RGS21: variants seen among roughly 807,000 people sequenced by gnomAD.
RGS21 encodes the protein regulator of G-protein signalling 21.
Under a neutral mutation model 18.7 loss-of-function variants are expected in RGS21, and 19 were observed. That is an observed-to-expected ratio of 1.01 (90% CI 0.71 to 1.49). The LOEUF is 1.49. Among genes scored for constraint, RGS21 ranks in the 40% most tolerant of loss-of-function variants. The pLI, the probability that RGS21 is intolerant of heterozygous loss-of-function variation, is 0.00. For synonymous variants in RGS21, 56 were observed against 57.8 expected (o/e 0.97, Z 0.14); for missense variants, 194 against 176.8 (o/e 1.10, Z -0.55).
intron 4 of RGS21, among the ~76,000 whole-genome samples, chr1:192,356,129 G>C (rs992149619): frequency 6.6e-6 from 1 of 151,778 alleles, no homozygotes; most frequent in Non-Finnish European, 1.5e-5. Flanking sequence ...AGTCATAAAC[G>C]AGAGTACATC....
intron 1 of RGS21, among the ~76,000 whole-genome samples, chr1:192,322,418 T>G (rs1658509907): frequency 6.6e-6 from 1 of 152,126 alleles, no homozygotes; most frequent in East Asian, 1.9e-4. Context: ...TTCTAATGAA[T>G]GGCACATAAG....
rs1428255282 is a variant in RGS21, at chr1:192,366,354, G to A, written c.*230G>A. 7 of 426,890 alleles carry A rather than the reference G, an allele frequency of 1.6e-5. No individual in the cohort carries two copies. The highest frequency in any genetic ancestry group is 2.1e-5 in the Non-Finnish European group (5 of 239,166). The allele number at this position is 426,890 out of a possible 1,614,324, so 26.4% of individuals were successfully genotyped here. A position where few individuals can be genotyped will look rare whatever the true frequency, so the allele number is the denominator to read the frequency against. On this transcript the variant is annotated 3_prime_UTR_variant, in exon 5 of 5. Transcript: ENST00000417209. ...TGGGGGAGTACAAAGAAAGTTTATA[G>A]AGATACAATATAGTCTTAAACCAAA...
intron 1 of RGS21, among the ~76,000 whole-genome samples, chr1:192,331,655 G>A (rs1213168310): frequency 3.3e-5 from 5 of 151,694 alleles, no homozygotes; most frequent in Admixed American, 6.6e-5. Flanking sequence ...AAAACCTATT[G>A]AGTGGCACAA....
chr1:192,365,937 G>T lies in RGS21; in HGVS notation c.272G>T (p.Gly91Val), dbSNP rs1659252670. Reference sequence around the variant, plus strand: ...TTTCCACAGATTAACATTGACTTCGGTACCAGAGACCTCATCTCAAAGAAT... The same window carrying T: ...TTTCCACAGATTAACATTGACTTCGTTACCAGAGACCTCATCTCAAAGAAT... ...DAPKEINIDFGTRDLISKNIA... is the reference protein window; with the variant it reads ...DAPKEINIDFVTRDLISKNIA... The change falls in exon 5 of 5, where the codon GGT becomes GTT. Residue 91 changes from glycine to valine, a missense_variant. Physicochemically the swap from Gly to Val is moderately radical, Grantham distance 109 (BLOSUM62 -3). Coordinates refer to ENST00000417209, the MANE Select transcript of RGS21 (RefSeq NM_001039152.3). The T allele has an allele frequency of 6.2e-7, 1 of 1,601,712 alleles. No homozygotes were observed. Among genetic ancestry groups the T allele is most frequent in the South Asian group, 1.1e-5 (1 of 89,816 alleles).
At position 192,352,117 on chromosome 1, in the gene RGS21, C is replaced by T; in HGVS notation, c.159C>T (p.Ala53=). ...AAGAAAATGTTGAGTTCTGGCTTGC[C>T]TGTGAAGACTTTAAGAAAACGAAAA... is the stretch of plus-strand genomic sequence containing the variant. ...FSEENVEFWL[A]CEDFKKTKNA... Residue 53 remains alanine (A), a synonymous_variant, in exon 4 of 5, where the codon GCC becomes GCT. Transcript: ENST00000417209. 3.7e-6 allele frequency: 6 copies of T among 1,610,626 alleles called. 1 individual carries two copies. Among genetic ancestry groups the T allele is most frequent in the Non-Finnish European group, 5.1e-6 (6 of 1,178,236 alleles).
At chr1:192,364,962 G>A (rs534872895) in intron 4 of RGS21, among the ~76,000 whole-genome samples, 10 of 151,842 alleles carry the variant, frequency 6.6e-5, no homozygotes, top group Admixed American at 3.9e-4. Context: ...GTGAAACCCC[G>A]TCTCTACTAC....
chr1:192,328,152 C>T (rs954590592), intron 1 of RGS21, among the ~76,000 whole-genome samples: 5 of 152,160 alleles, frequency 3.3e-5, no homozygotes, highest in Admixed American at 6.6e-5. Context: ...CATGGACACA[C>T]GTGATTGATC....
chr1:192,337,695 A>C (rs964138397), intron 1 of RGS21, among the ~76,000 whole-genome samples: 9 of 152,300 alleles, frequency 5.9e-5, no homozygotes, highest in African/African-American at 2.2e-4. Flanking sequence ...CTACAGTAAA[A>C]GAAAATTGCA....
At chr1:192,348,616 A>C (rs12074962) in intron 3 of RGS21, among the ~76,000 whole-genome samples, 43,814 of 152,068 alleles carry the variant, frequency 0.29, 7,169 homozygotes, top group African/African-American at 0.44. Context: ...AAAACATCCT[A>C]GTCTTTAATA....
intron 1 of RGS21, among the ~76,000 whole-genome samples, chr1:192,326,293 G>C (rs942340073): frequency 1.3e-5 from 2 of 152,076 alleles, no homozygotes; most frequent in Admixed American, 6.6e-5. Flanking sequence ...GTTGTATCCA[G>C]TGTTATTGAA....
intron 4 of RGS21, among the ~76,000 whole-genome samples, chr1:192,357,521 ACT>A (rs1659128186): frequency 6.6e-6 from 1 of 151,812 alleles, no homozygotes; most frequent in Non-Finnish European, 1.5e-5. Flanking sequence ...CATCACGTTC[ACT>A]CTCTTAGGGA....
intron 3 of RGS21, among the ~76,000 whole-genome samples, chr1:192,348,762 T>G (rs1658992357): frequency 7.8e-6 from 1 of 128,710 alleles, no homozygotes; most frequent in African/African-American, 3.5e-5. Flanking sequence ...AGAGAGAAAA[T>G]GTTTATAATA....
chr1:192,329,187 T>C (rs930315872), intron 1 of RGS21, among the ~76,000 whole-genome samples: 1 of 152,094 alleles, frequency 6.6e-6, no homozygotes, highest in Non-Finnish European at 1.5e-5. Flanking sequence ...TGGAAATAAA[T>C]TGATAACACC....
intron 1 of RGS21, among the ~76,000 whole-genome samples, chr1:192,329,228 C>A (rs6704473): frequency 0.48 from 73,112 of 151,756 alleles, 18,723 homozygotes; most frequent in African/African-American, 0.64. Flanking sequence ...GAGTATCTAA[C>A]ATATACAGAA....
rs531606789 is a variant in RGS21, at chr1:192,366,868, G to A, written c.*744G>A. On this transcript the variant is annotated 3_prime_UTR_variant, in exon 5 of 5. Coordinates refer to ENST00000417209, the MANE Select transcript of RGS21 (RefSeq NM_001039152.3). ...CATAGATAAATCCTTATAAGATGAA[G>A]TATATAGCAAGTCATAAAATTTAAG... The A allele has an allele frequency of 2.0e-5, 3 of 151,964 alleles. No homozygotes were observed. Among genetic ancestry groups the A allele is most frequent in the Non-Finnish European group, 4.4e-5 (3 of 67,946 alleles). The allele number at this position is 151,964 out of a possible 1,614,324, so 9.4% of individuals were successfully genotyped here. A position where few individuals can be genotyped will look rare whatever the true frequency, so the allele number is the denominator to read the frequency against.
chr1:192,365,651 T>G (rs1659248196), intron 4 of RGS21, among the ~76,000 whole-genome samples: 1 of 152,078 alleles, frequency 6.6e-6, no homozygotes, highest in Non-Finnish European at 1.5e-5. Context: ...ATAAAATATC[T>G]TGCTTGCTTT....
Position 192,367,013 on chromosome 1 carries a change from T to C in RGS21, c.*889T>C, listed in dbSNP as rs1659269657. 1 of 152,064 alleles carries C rather than the reference T, an allele frequency of 6.6e-6. No homozygotes were observed. The highest frequency in any genetic ancestry group is 1.5e-5 in the Non-Finnish European group (1 of 67,960). 9.4% of individuals were successfully genotyped at this position (152,064 alleles called of 1,614,324 possible). Reference sequence around the variant, plus strand: ...ATTTATTTTGAGATGTTCCTAAAATTGTTTCATTCTATATGTAAATATCCT... The same window carrying C: ...ATTTATTTTGAGATGTTCCTAAAATCGTTTCATTCTATATGTAAATATCCT... On this transcript the variant is annotated 3_prime_UTR_variant, in exon 5 of 5. Transcript: ENST00000417209.
At chr1:192,323,492 T>A (rs931750575) in intron 1 of RGS21, among the ~76,000 whole-genome samples, 1 of 151,834 alleles carries the variant, frequency 6.6e-6, no homozygotes, top group Non-Finnish European at 1.5e-5. Context: ...AGAAAGTATA[T>A]AACATGAAGA....
Position 192,352,196 on chromosome 1 carries a change from G to C in RGS21, c.238G>C (p.Ala80Pro), listed in dbSNP as rs757492380. ...AKMIYSEFIE[A>P]DAPKEINIDF... ...GATGATTTATTCTGAATTCATTGAA[G>C]CTGATGCACCTAAAGAGGTGAGTGA... The change falls in exon 4 of 5, where the codon GCT (alanine) becomes CCT (proline). Residue 80 changes from alanine (A) to proline (P), a missense_variant. Transcript: ENST00000417209. The C allele has an allele frequency of 6.2e-7, 1 of 1,607,204 alleles. No homozygotes were observed. The highest frequency in any genetic ancestry group is 1.3e-5 in the African/African-American group (1 of 74,650).
Sources: gnomAD v4.1 joint callset for allele counts (sites outside exome capture counted in the v4.1 genomes callset) on GRCh38, gnomAD v4.1.1 for gene constraint, MANE v1.5 for transcripts, NCBI Gene and HGNC (gene_info 2026-07-23, HGNC 2026-07-21) for gene names.